The following TMEM117 variants were observed in gnomAD, a reference collection of about 807,000 sequenced individuals.
TMEM117 encodes the protein transmembrane protein 117.
TMEM117 carries 27 observed loss-of-function variants against 52.4 expected under a neutral mutation model. The ratio of observed to expected loss-of-function variants is 0.51; its 90% CI spans 0.38 to 0.71. The LOEUF (loss-of-function observed/expected upper bound fraction) is 0.71, where lower values mean the gene tolerates loss of function less well. TMEM117 is among the 30% of genes least tolerant of loss of function. TMEM117 has a pLI of 0.00. For synonymous variants in TMEM117, 215 were observed against 206.3 expected (o/e 1.04, Z -0.36); for missense variants, 556 against 630.5 (o/e 0.88, Z 1.26).
intron 3 of TMEM117, among the ~76,000 whole-genome samples, chr12:44,070,460 G>C (rs1259628078): frequency 6.6e-6 from 1 of 152,248 alleles, no homozygotes; most frequent in African/African-American, 2.4e-5. Context: ...AAGAAATGAA[G>C]AAGTTGGGGG....
rs142572510 is a variant in TMEM117, at chr12:44,033,401, C to T, written c.410+89059C>T. Among the ~76,000 whole-genome samples, 540 of 152,266 alleles carry T rather than the reference C, an allele frequency of 3.5e-3. 4 individuals are homozygous for T. The highest frequency in any genetic ancestry group is 0.012 in the African/African-American group (517 of 41,544). On this transcript the variant is annotated intron_variant, in intron 3 of 7. Transcript: ENST00000266534. ...TTTATGGACTCACTCTGAATTCTTT[C>T]TTGCATGAGATCCAAGAACCCTCTG...
intron 2 of TMEM117, among the ~76,000 whole-genome samples, chr12:43,939,760 A>G (rs1945013697): frequency 6.6e-6 from 1 of 152,142 alleles, no homozygotes; most frequent in African/African-American, 2.4e-5. Flanking sequence ...AGCCATGTGT[A>G]TTAGTCTGTT....
intron 1 of TMEM117, among the ~76,000 whole-genome samples, chr12:43,837,187 G>T (rs1024786192): frequency 6.6e-6 from 1 of 151,968 alleles, no homozygotes; most frequent in Non-Finnish European, 1.5e-5. Context: ...CATCTGATCC[G>T]TGTGATGAGA....
At chr12:43,983,307 C>T (rs896840117) in intron 3 of TMEM117, among the ~76,000 whole-genome samples, 3 of 152,132 alleles carry the variant, frequency 2.0e-5, no homozygotes, top group Admixed American at 6.5e-5. Flanking sequence ...AATTCTTAAA[C>T]TTCTGTTTGT....
At chr12:44,050,541 G>A (rs1195683552) in intron 3 of TMEM117, among the ~76,000 whole-genome samples, 1 of 152,202 alleles carries the variant, frequency 6.6e-6, no homozygotes, top group African/African-American at 2.4e-5. Flanking sequence ...TAGGCACTGA[G>A]AAGTTGATAT....
chr12:43,808,177 T>C, the TMEM117 span, among the ~76,000 whole-genome samples: 15 of 152,342 alleles, frequency 9.8e-5, no homozygotes, highest in South Asian at 3.1e-3. Context: ...TTATAGATCT[T>C]GACAACTTGG....
intron 2 of TMEM117, among the ~76,000 whole-genome samples, chr12:43,896,254 C>T (rs1420164836): frequency 2.6e-5 from 4 of 152,202 alleles, no homozygotes; most frequent in South Asian, 2.1e-4. Context: ...ATTCCTTACC[C>T]TCAGGAGGTT....
intron 3 of TMEM117, among the ~76,000 whole-genome samples, chr12:43,960,810 AGTT>A (rs1336736335): frequency 9.2e-5 from 14 of 152,186 alleles, no homozygotes; most frequent in Non-Finnish European, 2.9e-5. Flanking sequence ...TCTAGAAATG[AGTT>A]GTTATATCAT....
chr12:44,183,701 A>G (rs1242480995), intron 4 of TMEM117, among the ~76,000 whole-genome samples: 1 of 152,202 alleles, frequency 6.6e-6, no homozygotes, highest in Non-Finnish European at 1.5e-5. Flanking sequence ...CAAAGGATTA[A>G]TATGCAACTG....
chr12:44,278,778 C>A (rs1950544644), intron 5 of TMEM117, among the ~76,000 whole-genome samples: 1 of 152,174 alleles, frequency 6.6e-6, no homozygotes, highest in Non-Finnish European at 1.5e-5. Context: ...AAGCATGGAT[C>A]TAAACCCAGT....
chr12:44,101,261 AAACCTAATCAACATC>A (rs1947856572), intron 3 of TMEM117, among the ~76,000 whole-genome samples: 1 of 151,434 alleles, frequency 6.6e-6, no homozygotes, highest in Admixed American at 6.6e-5. Flanking sequence ...TCCTATGTTG[AAACCTAATCAACATC>A]TTAGGTTGGT....
Position 44,223,972 on chromosome 12 carries a change from C to T in TMEM117, c.608+12585C>T, listed in dbSNP as rs142896379. On this transcript the variant is annotated intron_variant, in intron 5 of 7. Coordinates refer to ENST00000266534, the MANE Select transcript of TMEM117 (RefSeq NM_032256.3). ...TCATCCTGGCTGTCAATCTACTGCG[C>T]TTCCATATTTTATTAACTCTGTGTG... Among the ~76,000 whole-genome samples the T allele has an allele frequency of 8.5e-3, 1,296 of 152,280 alleles. 13 individuals are homozygous for T. The highest frequency in any genetic ancestry group is 0.03 in the African/African-American group (1,231 of 41,562).
intron 5 of TMEM117, among the ~76,000 whole-genome samples, chr12:44,295,389 T>C (rs1262282776): frequency 6.6e-6 from 1 of 151,934 alleles, no homozygotes; most frequent in Non-Finnish European, 1.5e-5. Flanking sequence ...TTTTCTTTTT[T>C]TAAGAGACAG....
At chr12:43,894,851 C>T (rs1318978469) in intron 2 of TMEM117, among the ~76,000 whole-genome samples, 1 of 16,606 alleles carries the variant, frequency 6.0e-5, no homozygotes, top group Non-Finnish European at 2.2e-4. Flanking sequence ...TTTTCAATGC[C>T]CTTTTTTTTT....
chr12:44,374,392 T>G (rs1951909153), intron 6 of TMEM117, among the ~76,000 whole-genome samples: 1 of 152,156 alleles, frequency 6.6e-6, no homozygotes. Flanking sequence ...TTTATTTATC[T>G]TCTTTTAAAA....
chr12:44,380,285 G>T (rs1487976658), intron 7 of TMEM117, among the ~76,000 whole-genome samples: 1 of 152,158 alleles, frequency 6.6e-6, no homozygotes, highest in Non-Finnish European at 1.5e-5. Context: ...TATGATTGGG[G>T]AAAGGTGCTG....
intron 2 of TMEM117, among the ~76,000 whole-genome samples, chr12:43,866,100 C>G (rs983091675): frequency 1.5e-4 from 22 of 151,626 alleles, no homozygotes; most frequent in African/African-American, 5.1e-4. Context: ...AGAAAACCAC[C>G]AACAGTTTCA....
intron 5 of TMEM117, among the ~76,000 whole-genome samples, chr12:44,229,494 C>A (rs181550409): frequency 6.6e-6 from 1 of 152,032 alleles, no homozygotes; most frequent in Non-Finnish European, 1.5e-5. Context: ...TCATGGGGTC[C>A]AGGTAAATGT....
chr12:44,317,311 T>A (rs556827696), intron 6 of TMEM117, among the ~76,000 whole-genome samples: 86 of 150,978 alleles, frequency 5.7e-4, no homozygotes, highest in African/African-American at 1.3e-3. Flanking sequence ...TTTTTTTTTT[T>A]AATTTTTCTT....
Sources: gnomAD v4.1 joint callset for allele counts (sites outside exome capture counted in the v4.1 genomes callset) on GRCh38, gnomAD v4.1.1 for gene constraint, MANE v1.5 for transcripts, NCBI Gene and HGNC (gene_info 2026-07-23, HGNC 2026-07-21) for gene names.